Variants in SOX6 observed in about 807,000 individuals in gnomAD.
SOX6 encodes SRY-box transcription factor 6, also known as transcription factor SOX-6.
A neutral mutation model predicts 97.8 loss-of-function variants in SOX6; 11 were observed. The ratio of observed to expected loss-of-function variants is 0.11; its 90% CI spans 0.07 to 0.19. The LOEUF (loss-of-function observed/expected upper bound fraction) is 0.19. Ranked by LOEUF, SOX6 falls within the 10% of genes least tolerant of loss-of-function variation. SOX6 has a pLI of 1.00. For missense variants in SOX6, 810 were observed against 1,039.5 expected, an observed-to-expected ratio of 0.78 and a Z score of 3.04; for synonymous variants, 360 against 371.4, an observed-to-expected ratio of 0.97 and a Z score of 0.35.
chr11:16,296,818 C>A (rs1855106034), intron 3 of SOX6, among the ~76,000 whole-genome samples: 1 of 151,992 alleles, frequency 6.6e-6, no homozygotes, highest in Non-Finnish European at 1.5e-5. Flanking sequence ...GAAGTTAGGT[C>A]TATTCCACTA....
At chr11:16,387,311 T>C (rs769734853) in intron 1 of SOX6, among the ~76,000 whole-genome samples, 1 of 152,166 alleles carries the variant, frequency 6.6e-6, no homozygotes, top group Non-Finnish European at 1.5e-5. Flanking sequence ...AGATATTGCA[T>C]TGTGGCATTG....
At chr11:16,634,889 C>CTCACGAGT (rs1400704274) in intron 3 of SOX6, among the ~76,000 whole-genome samples, 8 of 152,140 alleles carry the variant, frequency 5.3e-5, no homozygotes, top group Non-Finnish European at 7.4e-5. Flanking sequence ...TCAGTGAGTT[C>CTCACGAGT]TCACGAGTTC....
rs1849209571 is a variant in SOX6, at chr11:16,110,748, A to G, written c.898+1055T>C. Among the ~76,000 whole-genome samples the G allele has an allele frequency of 3.3e-5, 5 of 152,320 alleles. No homozygotes were observed. The South Asian group carries it at 1.0e-3, about 32-fold the overall frequency. On this transcript the variant is annotated intron_variant, in intron 7 of 15. Coordinates refer to ENST00000683767, the MANE Select transcript of SOX6 (RefSeq NM_001367873.1). Reference sequence around the variant, plus strand: ...GTAATCACTGGCAACAAGCAATTAAAACAGATGCTAAAATGCACTAGGCTT... The same window carrying G: ...GTAATCACTGGCAACAAGCAATTAAGACAGATGCTAAAATGCACTAGGCTT...
At chr11:16,471,128 A>C (rs1412908757) in intron 1 of SOX6, among the ~76,000 whole-genome samples, 1 of 151,996 alleles carries the variant, frequency 6.6e-6, no homozygotes, top group Non-Finnish European at 1.5e-5. Context: ...CTCTGGTAAA[A>C]TTAAACGGTC....
At chr11:16,100,449 A>G (rs574883650) in intron 7 of SOX6, among the ~76,000 whole-genome samples, 83 of 151,874 alleles carry the variant, frequency 5.5e-4, no homozygotes, top group African/African-American at 1.8e-3. Context: ...TTCAACTGAC[A>G]GTTTTTATCA....
At chr11:16,376,755 C>G (rs1457993010) in intron 1 of SOX6, among the ~76,000 whole-genome samples, 2 of 151,944 alleles carry the variant, frequency 1.3e-5, no homozygotes, top group Non-Finnish European at 2.9e-5. Context: ...TTAAATTTCC[C>G]CCAGGCAACT....
intron 7 of SOX6, among the ~76,000 whole-genome samples, chr11:16,104,970 G>T (rs1425679941): frequency 1.3e-5 from 2 of 151,466 alleles, no homozygotes; most frequent in Non-Finnish European, 2.9e-5. Flanking sequence ...GTTTAAAGAA[G>T]AATTAATACC....
Position 16,377,583 on chromosome 11 carries a change from AC to A in SOX6, c.-4-36332del, listed in dbSNP as rs1370339978. On this transcript the variant is annotated intron_variant, in intron 1 of 15. Transcript: ENST00000396356. ...GAAAAACAATTTAAGATGGAAAAAA[AC>A]ATCCACTTGAAGACATTATTCTAAA... is the stretch of plus-strand genomic sequence containing the variant. Among the ~76,000 whole-genome samples the A allele has an allele frequency of 3.3e-5, 5 of 152,302 alleles. No homozygotes were observed. In the East Asian group the frequency reaches 5.8e-4, roughly 18 times the overall value.
intron 15 of SOX6, among the ~76,000 whole-genome samples, chr11:15,980,911 T>C (rs768456689): frequency 2.0e-5 from 3 of 152,050 alleles, no homozygotes; most frequent in Admixed American, 6.6e-5. Context: ...TATGCTAATC[T>C]ATTCATGTAT....
At chr11:16,006,563 G>T (rs1854561594) in intron 13 of SOX6, among the ~76,000 whole-genome samples, 1 of 152,000 alleles carries the variant, frequency 6.6e-6, no homozygotes. Flanking sequence ...TCCCTCAAAT[G>T]AAAGCTTTTC....
intron 1 of SOX6, among the ~76,000 whole-genome samples, chr11:16,455,382 T>C (rs781374746): frequency 3.0e-4 from 45 of 152,036 alleles, no homozygotes; most frequent in Non-Finnish European, 6.0e-4. Context: ...TCAAGGACTT[T>C]TACTTTATAT....
At chr11:16,091,434 T>C (rs1399667717) in intron 9 of SOX6, among the ~76,000 whole-genome samples, 1 of 151,986 alleles carries the variant, frequency 6.6e-6, no homozygotes, top group Admixed American at 6.6e-5. Context: ...GAGGCATCTT[T>C]ACAATTGCAA....
At chr11:16,070,924 C>A (rs1312989244) in intron 9 of SOX6, among the ~76,000 whole-genome samples, 2 of 152,230 alleles carry the variant, frequency 1.3e-5, no homozygotes, top group African/African-American at 2.4e-5. Flanking sequence ...TCCAAGGGGA[C>A]CTCTACAAGT....
intron 1 of SOX6, among the ~76,000 whole-genome samples, chr11:16,422,519 T>C (rs1859038829): frequency 1.3e-5 from 2 of 152,182 alleles, no homozygotes; most frequent in Admixed American, 6.5e-5. Context: ...AGATTAAATA[T>C]ATGGGAAGTG....
At chr11:16,046,184 C>T (rs1252621151) in intron 12 of SOX6, among the ~76,000 whole-genome samples, 1 of 152,084 alleles carries the variant, frequency 6.6e-6, no homozygotes. Context: ...ATGTGTCTTC[C>T]TTTTTTAATA....
rs530302210 is a variant in SOX6 at position 16,605,357 on chromosome 11, C to G, written n.609+6724G>C. Reference sequence around the variant, plus strand: ...GCTCCCGCCAGGTCAGGCACCACTGCCCTCGCGGCCAGGGTAAAGAGGACC... The same window carrying G: ...GCTCCCGCCAGGTCAGGCACCACTGGCCTCGCGGCCAGGGTAAAGAGGACC... On this transcript the variant is annotated intron_variant and non_coding_transcript_variant, in intron 4 of 5. Coordinates refer to the SOX6 transcript ENST00000524520. This position sits in a 1 kb window ranked among gnomAD's most constrained non-coding sequence, Gnocchi z 5.3. Among the ~76,000 whole-genome samples the G allele has an allele frequency of 6.6e-6, 1 of 152,172 alleles. No individual in the cohort carries two copies. The highest frequency in any genetic ancestry group is 2.4e-5 in the African/African-American group (1 of 41,456).
intron 4 of SOX6, among the ~76,000 whole-genome samples, chr11:16,497,500 C>T (rs1405153217): frequency 6.6e-6 from 1 of 152,028 alleles, no homozygotes; most frequent in Non-Finnish European, 1.5e-5. Context: ...AAGAAGGCTT[C>T]AGACAATCAA....
chr11:16,082,511 A>G (rs1848492901), intron 9 of SOX6, among the ~76,000 whole-genome samples: 1 of 152,138 alleles, frequency 6.6e-6, no homozygotes, highest in Non-Finnish European at 1.5e-5. Flanking sequence ...CTTAGTATAA[A>G]CTGCAGATTA....
chr11:16,623,712 T>G (rs989588907), intron 3 of SOX6, among the ~76,000 whole-genome samples: 22 of 152,234 alleles, frequency 1.4e-4, no homozygotes, highest in African/African-American at 5.1e-4. Flanking sequence ...ATTTAAGTCT[T>G]TGATCCATCT....
Sources: allele counts gnomAD v4.1 joint callset (sites outside exome capture counted in the v4.1 genomes callset), GRCh38; gene constraint gnomAD v4.1.1; non-coding constraint Gnocchi (gnomAD v3.1); transcripts MANE v1.5; gene names NCBI Gene and HGNC (gene_info 2026-07-23, HGNC 2026-07-21).